PRKAG1: variants seen among roughly 807,000 people sequenced by gnomAD.
PRKAG1 encodes the protein 5'-AMP-activated protein kinase subunit gamma-1.
PRKAG1 carries 27 observed loss-of-function variants against 48.2 expected under a neutral mutation model. That is an observed-to-expected ratio of 0.56 (90% CI 0.41 to 0.77). PRKAG1 has a LOEUF of 0.77. Among genes scored for constraint, PRKAG1 ranks in the 30% least tolerant of loss-of-function variants. The pLI is 0.00. For synonymous variants in PRKAG1, 130 were observed against 147.7 expected (o/e 0.88, Z 0.87); for missense variants, 287 against 398.3 (o/e 0.72, Z 2.38).
chr12:49,013,244 T>A, intron 1 of PRKAG1, 134 bp from the exon 2 acceptor site: 1 of 434,302 alleles, frequency 2.3e-6, no homozygotes, highest in South Asian at 3.1e-5. Flanking sequence ...CGCCAAACCC[T>A]TTTTTTTTTG....
At chr12:49,003,404 C>A in intron 10 of PRKAG1, 114 bp from the exon 11 acceptor site, 1 of 1,538,248 alleles carries the variant, frequency 6.5e-7, no homozygotes, top group Non-Finnish European at 8.9e-7. Flanking sequence ...CAAGCCACAC[C>A]CAACTCATTC....
intron 2 of PRKAG1, among the ~76,000 whole-genome samples, chr12:49,007,202 G>A (rs1226644819): frequency 6.6e-6 from 1 of 151,440 alleles, no homozygotes; most frequent in African/African-American, 2.4e-5. Flanking sequence ...CAGGAGAATT[G>A]CTTGAACCCA....
At position 49,005,422 on chromosome 12, in the gene PRKAG1, A is replaced by C; in HGVS notation, c.250+40T>G. The C allele has an allele frequency of 6.2e-7, 1 of 1,614,122 alleles. No individual in the cohort carries two copies. The highest frequency in any genetic ancestry group is 1.3e-5 in the African/African-American group (1 of 75,060). ...TGAAGCTTGTCTCCCTGCCCAGCACAAGATGCCAATAATATTGTGTTCCAG... is the reference window on the plus strand; with the variant it reads ...TGAAGCTTGTCTCCCTGCCCAGCACCAGATGCCAATAATATTGTGTTCCAG... On this transcript the variant is annotated intron_variant, in intron 4 of 11. Transcript: ENST00000548065. The surrounding 1 kb of genome is among the most constrained non-coding windows in gnomAD (Gnocchi z 4.1).
chr12:49,004,287 G>T, intron 8 of PRKAG1: 1 of 589,210 alleles, frequency 1.7e-6, no homozygotes, highest in Non-Finnish European at 2.9e-6. Flanking sequence ...GTAAGAACTT[G>T]TCTCAAAATA....
chr12:49,018,774 A>G lies in PRKAG1; in HGVS notation c.-34T>C, dbSNP rs758130649. 1.2e-6 allele frequency: 2 copies of G among 1,612,048 alleles called. No homozygotes were observed. The highest frequency in any genetic ancestry group is 1.3e-5 in the African/African-American group (1 of 74,854). On this transcript the variant is annotated 5_prime_UTR_variant, in exon 1 of 12. Transcript: ENST00000548065. ...GCGCCCGGCTTGGTTTCCTCGCTTT[A>G]GGAAACTCTCTTGGGGCAGGCCCCG...
intron 2 of PRKAG1, among the ~76,000 whole-genome samples, chr12:49,007,891 GCT>G: frequency 7.5e-6 from 1 of 133,970 alleles, no homozygotes; most frequent in East Asian, 2.1e-4. Flanking sequence ...AGGGAGTCTT[GCT>G]CTGTCACCCA....
chr12:49,016,777 A>C (rs1388804874), intron 1 of PRKAG1: 1 of 181,018 alleles, frequency 5.5e-6, no homozygotes, highest in Non-Finnish European at 1.2e-5. Context: ...CATGTACAGA[A>C]AGCTGCTATG....
intron 2 of PRKAG1, among the ~76,000 whole-genome samples, chr12:49,010,907 G>A (rs1468764240): frequency 6.6e-6 from 1 of 150,968 alleles, no homozygotes; most frequent in Non-Finnish European, 1.5e-5. Flanking sequence ...GCAGTGGTGC[G>A]ATCTCCACTC....
rs375482580 is a variant in PRKAG1, at chr12:49,006,049, C to A, written c.59-197G>T. 6.6e-5 allele frequency among the ~76,000 whole-genome samples: 10 copies of A among 152,258 alleles called. No homozygotes were observed. In the South Asian group the frequency reaches 2.1e-3, roughly 32 times the overall value. The stretch of plus-strand genomic sequence containing the variant: ...CTCTTAGAAACCATTTCATCCAACC[C>A]CTGTCTCCAGGTTAAGACTTTATCT... On this transcript the variant is annotated intron_variant, in intron 2 of 11. Coordinates refer to ENST00000548065, the MANE Select transcript of PRKAG1 (RefSeq NM_002733.5).
At chr12:49,004,776 A>G in intron 7 of PRKAG1, 143 bp from the exon 8 acceptor site, 4 of 1,357,566 alleles carry the variant, frequency 2.9e-6, no homozygotes, top group Non-Finnish European at 4.1e-6. Context: ...AGAGAAAGAG[A>G]GAGAGAGAGA....
rs1008069166 is a variant in PRKAG1 at position 49,012,769 on chromosome 12, C to T, written c.58+293G>A. ...TGTTTCTGGACTATGCAGAAAATAC[C>T]CAGGACTTCTAAAACATGGTAGCCA... On this transcript the variant is annotated intron_variant, in intron 2 of 11. Transcript: ENST00000548065. 1.1e-4 allele frequency: 46 copies of T among 404,020 alleles called. No individual in the cohort carries two copies. The East Asian group carries it at 2.2e-3, about 19-fold the overall frequency. The allele number at this position is 404,020 out of a possible 1,614,324, so 25.0% of individuals were successfully genotyped here.
chr12:49,018,256 G>A, intron 1 of PRKAG1: 1 of 174,774 alleles, frequency 5.7e-6, no homozygotes, highest in Non-Finnish European at 1.2e-5. Context: ...TTCACTGGAC[G>A]CAGTATAAAG....
At chr12:49,004,854 T>C (rs913751353) in intron 7 of PRKAG1, 110 bp downstream of exon 7, 4 of 1,136,090 alleles carry the variant, frequency 3.5e-6, no homozygotes, top group Non-Finnish European at 5.3e-6. Context: ...TGTGTGTGTG[T>C]GTGTGTGTCT....
intron 2 of PRKAG1, among the ~76,000 whole-genome samples, chr12:49,008,141 G>C (rs1163059686): frequency 1.3e-5 from 2 of 152,164 alleles, no homozygotes; most frequent in African/African-American, 2.4e-5. Context: ...TTACAGGAAT[G>C]AGCCACTGCA....
In PRKAG1 at chr12:49,004,500, C is replaced by T. The variant is rs775755506; in HGVS notation, c.537+7G>A. ...GAGAAAAAAGAACTGGGCTGAGGAG[C>T]ACTTACAAACAATTTGAGGAACTTC... On this transcript the variant is annotated splice_region_variant and intron_variant, in intron 8 of 11. Transcript: ENST00000548065. 9 of 1,613,670 alleles carry T rather than the reference C, an allele frequency of 5.6e-6. No individual in the cohort carries two copies. Among genetic ancestry groups the T allele is most frequent in the Non-Finnish European group, 7.6e-6 (9 of 1,179,678 alleles).
At chr12:49,003,035 A>G in intron 11 of PRKAG1, 29 bp from the exon 12 acceptor site, 1 of 1,613,210 alleles carries the variant, frequency 6.2e-7, no homozygotes. Flanking sequence ...GGAGAAAGGG[A>G]ATGTTTAGTG....
chr12:49,004,704 G>C (rs1941447349), intron 7 of PRKAG1, 71 bp from the exon 8 acceptor site: 1 of 1,599,404 alleles, frequency 6.3e-7, no homozygotes, highest in African/African-American at 1.3e-5. Context: ...TCCATACAGT[G>C]TATTGCTCAA....
At chr12:49,011,979 TC>T (rs1218449717) in intron 2 of PRKAG1, among the ~76,000 whole-genome samples, 5 of 152,198 alleles carry the variant, frequency 3.3e-5, no homozygotes, top group Non-Finnish European at 7.4e-5. Context: ...TGCCTCAGCC[TC>T]CCGAGTAGCT....
At position 49,005,819 on chromosome 12, in the gene PRKAG1, G is replaced by C. The variant is rs748723454; in HGVS notation, c.92C>G (p.Ser31Cys). The C allele has an allele frequency of 6.2e-7, 1 of 1,613,300 alleles. No homozygotes were observed. The highest frequency in any genetic ancestry group is 1.1e-5 in the South Asian group (1 of 90,956). Residue 31 changes from serine (S) to cysteine (C), a missense_variant, in exon 3 of 12, where the codon TCC (serine) becomes TGC (cysteine). Physicochemically the swap from Ser to Cys is moderately radical, Grantham distance 112. Around this residue, in one of 2 missense-constraint regions of PRKAG1, gnomAD observed 63 missense variants for 54.0 expected, o/e 1.17. Coordinates refer to ENST00000548065, the MANE Select transcript of PRKAG1 (RefSeq NM_002733.5). The surrounding 1 kb of genome is among the most constrained non-coding windows in gnomAD (Gnocchi z 4.1). ...TPESNNSVYT[S>C]FMKSHRCYDL... Reference sequence around the variant, plus strand: ...ATAGCAGCGATGAGACTTCATGAAGGAAGTATACACGCTATTGTTGGATTC... The same window carrying C: ...ATAGCAGCGATGAGACTTCATGAAGCAAGTATACACGCTATTGTTGGATTC...
Sources: allele counts gnomAD v4.1 joint callset (sites outside exome capture counted in the v4.1 genomes callset), GRCh38; gene constraint gnomAD v4.1.1; regional missense constraint gnomAD v4.1.1; non-coding constraint Gnocchi (gnomAD v3.1); transcripts MANE v1.5; gene names NCBI Gene and HGNC (gene_info 2026-07-23, HGNC 2026-07-21).